The following DCAF8 variants were observed in gnomAD, a reference collection of about 807,000 sequenced individuals.
DCAF8 encodes DDB1 and CUL4 associated factor 8.
Under a neutral mutation model 68.0 loss-of-function variants are expected in DCAF8, and 20 were observed. The ratio of observed to expected loss-of-function variants is 0.29; its 90% CI spans 0.21 to 0.43. DCAF8 has a LOEUF of 0.43. DCAF8 is among the 20% of genes least tolerant of loss of function. The pLI is 1.00. For synonymous variants in DCAF8, 230 were observed against 276.9 expected (o/e 0.83, Z 1.68); for missense variants, 460 against 771.0 (o/e 0.60, Z 4.78).
intron 7 of DCAF8, among the ~76,000 whole-genome samples, chr1:160,230,168 T>C (rs1247994764): frequency 6.6e-6 from 1 of 152,218 alleles, no homozygotes; most frequent in Non-Finnish European, 1.5e-5. Context: ...ATGTATTTTC[T>C]AAAAATTTAC....
chr1:160,262,302 C>A, intron 1 of DCAF8, 147 bp downstream of exon 1: 1 of 399,188 alleles, frequency 2.5e-6, no homozygotes, highest in Non-Finnish European at 4.4e-6. Context: ...GGGGGGGTGT[C>A]CGGCTGGGGC....
intron 13 of DCAF8, chr1:160,217,979 C>T: frequency 1.9e-6 from 1 of 512,852 alleles, no homozygotes; most frequent in Non-Finnish European, 3.4e-6. Flanking sequence ...AGCAGGCCAA[C>T]TGCCAGTTTG....
At chr1:160,240,506 T>A in intron 3 of DCAF8, 136 bp from the exon 4 acceptor site, 1 of 749,602 alleles carries the variant, frequency 1.3e-6, no homozygotes, top group Non-Finnish European at 2.1e-6. Flanking sequence ...TACAAATAAT[T>A]ACAGAGAGTA....
At chr1:160,217,804 T>G in intron 13 of DCAF8, 96 bp from the exon 14 acceptor site, 1 of 927,234 alleles carries the variant, frequency 1.1e-6, no homozygotes, top group Non-Finnish European at 1.7e-6. Flanking sequence ...AGGCCAGAGA[T>G]CAGCAGAATT....
At chr1:160,247,005 G>A (rs1197628407) in intron 2 of DCAF8, among the ~76,000 whole-genome samples, 3 of 152,160 alleles carry the variant, frequency 2.0e-5, no homozygotes, top group African/African-American at 7.2e-5. Context: ...AAAGAATACA[G>A]TCTTAACTTT....
chr1:160,230,077 G>A (rs1026118865), intron 7 of DCAF8, among the ~76,000 whole-genome samples: 1 of 152,070 alleles, frequency 6.6e-6, no homozygotes, highest in Non-Finnish European at 1.5e-5. Flanking sequence ...TAGAGGAAAC[G>A]AATTTTGAAG....
chr1:160,235,948 A>T (rs1253146822), intron 6 of DCAF8, among the ~76,000 whole-genome samples: 1 of 152,172 alleles, frequency 6.6e-6, no homozygotes. Flanking sequence ...CATGTTGGCT[A>T]GGCTGGTCTC....
intron 6 of DCAF8, among the ~76,000 whole-genome samples, chr1:160,236,254 T>TCTCA (rs1553196343): frequency 1.8e-5 from 1 of 56,226 alleles, no homozygotes; most frequent in Non-Finnish European, 4.7e-5. Context: ...TGCTGAGGCA[T>TCTCA]CACACACAAA....
At chr1:160,224,763 A>G (rs367699869) in intron 9 of DCAF8, among the ~76,000 whole-genome samples, 2 of 152,248 alleles carry the variant, frequency 1.3e-5, no homozygotes, top group African/African-American at 4.8e-5. Flanking sequence ...CAAAAAGGTC[A>G]TACCCATTAA....
At chr1:160,245,996 G>C (rs986447034) in intron 2 of DCAF8, among the ~76,000 whole-genome samples, 1 of 152,080 alleles carries the variant, frequency 6.6e-6, no homozygotes, top group Non-Finnish European at 1.5e-5. Context: ...AAATTAGCTG[G>C]GCATGGTGGC....
At chr1:160,256,886 C>T (rs1215342950) in intron 2 of DCAF8, among the ~76,000 whole-genome samples, 2 of 151,942 alleles carry the variant, frequency 1.3e-5, no homozygotes, top group Non-Finnish European at 2.9e-5. Flanking sequence ...GGAACTATGT[C>T]CTACAGAGGT....
chr1:160,222,952 A>G (rs1452751882), intron 10 of DCAF8, among the ~76,000 whole-genome samples, 171 bp from the exon 11 acceptor site: 1 of 152,234 alleles, frequency 6.6e-6, no homozygotes, highest in Non-Finnish European at 1.5e-5. Flanking sequence ...ATATTCTCCC[A>G]AAGAGCTCGC....
rs1170415227 is a variant in DCAF8 at position 160,225,206 on chromosome 1, C to G, written c.1144-87G>C. 4.1e-6 allele frequency: 5 copies of G among 1,221,658 alleles called. No homozygotes were observed. The Admixed American group carries it at 1.0e-4, about 25-fold the overall frequency. 75.7% of individuals were successfully genotyped at this position (1,221,658 alleles called of 1,614,324 possible). ...GAAACAGCTTTTCCTTCAAACTCCCCTATATCTTCTCCCAGAGATTTGAGA... is the reference window on the plus strand; with the variant it reads ...GAAACAGCTTTTCCTTCAAACTCCCGTATATCTTCTCCCAGAGATTTGAGA... On this transcript the variant is annotated intron_variant, in intron 8 of 13. Transcript: ENST00000368074.
At chr1:160,220,029 C>T (rs1299623667) in intron 11 of DCAF8, 1 of 152,276 alleles carries the variant, frequency 6.6e-6, no homozygotes, top group Non-Finnish European at 1.5e-5. Context: ...AAGTCAAGGG[C>T]AGGCATGGAA....
rs997289511 is a variant in DCAF8 at position 160,238,707 on chromosome 1, A to G, written c.764T>C (p.Met255Thr). The G allele has an allele frequency of 1.2e-6, 2 of 1,613,634 alleles. No homozygotes were observed. Among genetic ancestry groups the G allele is most frequent in the Non-Finnish European group, 1.7e-6 (2 of 1,179,810 alleles). The change falls in exon 5 of 14, where the codon ATG becomes ACG. Residue 255 changes from methionine to threonine, a missense_variant. By Grantham distance (81) the Met-to-Thr change is moderately conservative (BLOSUM62 -1). Around this residue, in one of 8 missense-constraint regions of DCAF8, gnomAD observed 170 missense variants for 318.2 expected, o/e 0.53. Transcript: ENST00000368074. ...LPNSGDSTLA[M>T]CARDGQVRVA... The stretch of plus-strand genomic sequence containing the variant: ...TCGAACCTGCCCGTCACGGGCACAC[A>G]TGGCCAGAGTAGAATCACCACTGTT...
rs1421862246 is a variant in DCAF8, at chr1:160,216,345, A to G, written c.*1247T>C. On this transcript the variant is annotated 3_prime_UTR_variant, in exon 14 of 14. Coordinates refer to ENST00000368074, the MANE Select transcript of DCAF8 (RefSeq NM_015726.4). ...GTGTGTGTACATGTCTTCTGTCACA[A>G]AGTACCACAATAGTCTGCAGTGGTG... 6.6e-6 allele frequency: 1 copy of G among 152,068 alleles called. No individual in the cohort carries two copies. The highest frequency in any genetic ancestry group is 2.4e-5 in the African/African-American group (1 of 41,412). The allele number at this position is 152,068 out of a possible 1,614,324, so 9.4% of individuals were successfully genotyped here. A position where few individuals can be genotyped will look rare whatever the true frequency, so the allele number is the denominator to read the frequency against.
At chr1:160,220,997 C>G (rs1488139704) in intron 11 of DCAF8, 3 of 152,114 alleles carry the variant, frequency 2.0e-5, no homozygotes, top group Non-Finnish European at 4.4e-5. Context: ...TCAGGGGTAG[C>G]CTCTATATCT....
At chr1:160,242,971 G>C (rs1002270815) in intron 3 of DCAF8, among the ~76,000 whole-genome samples, 4 of 152,244 alleles carry the variant, frequency 2.6e-5, no homozygotes, top group Middle Eastern at 3.4e-3. Flanking sequence ...TGAATGAATG[G>C]CAGTGATAAG....
At chr1:160,223,107 G>C (rs1655351273) in intron 10 of DCAF8, among the ~76,000 whole-genome samples, 1 of 152,192 alleles carries the variant, frequency 6.6e-6, no homozygotes. Context: ...AGGCAGCACT[G>C]TCTTATGGCC....
Sources: gnomAD v4.1 joint callset for allele counts (sites outside exome capture counted in the v4.1 genomes callset) on GRCh38, gnomAD v4.1.1 for gene constraint, gnomAD v4.1.1 regional missense constraint, MANE v1.5 for transcripts, NCBI Gene and HGNC (gene_info 2026-07-23, HGNC 2026-07-21) for gene names.